The following CDH12 variants were observed in gnomAD, a reference collection of about 807,000 sequenced individuals.
CDH12 encodes cadherin 12, also known as cadherin-12.
Under a neutral mutation model 74.1 loss-of-function variants are expected in CDH12, and 41 were observed. The observed-to-expected ratio is 0.55, with a 90% CI of 0.43 to 0.72. The LOEUF is 0.72. CDH12 is among the 30% of genes least tolerant of loss of function. The pLI is 0.00. For synonymous variants in CDH12, 399 were observed against 355.0 expected, an observed-to-expected ratio of 1.12 and a Z score of -1.39; for missense variants, 945 against 977.2, an observed-to-expected ratio of 0.97 and a Z score of 0.44.
At chr5:22,140,523 T>C (rs535031344) in intron 4 of CDH12, among the ~76,000 whole-genome samples, 168 of 151,370 alleles carry the variant, frequency 1.1e-3, no homozygotes, top group African/African-American at 4.0e-3. Flanking sequence ...TCTGTGCATG[T>C]GTGTGTGTGT....
At chr5:21,994,681 T>G (rs1736164636) in intron 5 of CDH12, among the ~76,000 whole-genome samples, 1 of 152,192 alleles carries the variant, frequency 6.6e-6, no homozygotes, top group Admixed American at 6.5e-5. Context: ...TTTCTTCTAC[T>G]AGGTCAAAGT....
intron 6 of CDH12, among the ~76,000 whole-genome samples, chr5:21,925,477 C>G (rs554271266): frequency 1.2e-4 from 19 of 152,222 alleles, no homozygotes; most frequent in African/African-American, 4.6e-4. Context: ...ATCAAAATCC[C>G]TAGAATGTTT....
chr5:22,554,710 G>T (rs1738724028), intron 1 of CDH12, among the ~76,000 whole-genome samples: 1 of 151,928 alleles, frequency 6.6e-6, no homozygotes, highest in Non-Finnish European at 1.5e-5. Flanking sequence ...AATGATATCT[G>T]CTAGCATAAA....
intron 1 of CDH12, among the ~76,000 whole-genome samples, chr5:22,718,969 T>C (rs1743733004): frequency 6.6e-6 from 1 of 152,196 alleles, no homozygotes; most frequent in Admixed American, 6.5e-5. Flanking sequence ...CATAAAACTG[T>C]AATTGTAAAT....
At chr5:22,841,311 G>A (rs1283854540) in intron 1 of CDH12, among the ~76,000 whole-genome samples, 1 of 152,134 alleles carries the variant, frequency 6.6e-6, no homozygotes, top group African/African-American at 2.4e-5. Flanking sequence ...ACATAAAAGG[G>A]CTTGATTGAG....
At chr5:22,616,280 A>G (rs1399347897) in intron 1 of CDH12, among the ~76,000 whole-genome samples, 1 of 152,158 alleles carries the variant, frequency 6.6e-6, no homozygotes, top group African/African-American at 2.4e-5. Context: ...CTTTGAAGGA[A>G]GCATATATAC....
chr5:21,893,976 CA>C (rs927358890), intron 6 of CDH12, among the ~76,000 whole-genome samples: 10 of 152,126 alleles, frequency 6.6e-5, no homozygotes, highest in Middle Eastern at 3.2e-3. Context: ...AAACCATTTA[CA>C]GTATTTAACG....
At chr5:22,745,569 A>G (rs919799803) in intron 1 of CDH12, among the ~76,000 whole-genome samples, 2 of 152,212 alleles carry the variant, frequency 1.3e-5, no homozygotes, top group Non-Finnish European at 2.9e-5. Context: ...CATATACACT[A>G]TAGAATACCA....
At chr5:22,756,307 A>G (rs916673435) in intron 1 of CDH12, among the ~76,000 whole-genome samples, 2 of 152,130 alleles carry the variant, frequency 1.3e-5, no homozygotes, top group South Asian at 2.1e-4. Flanking sequence ...TATTTGTAAC[A>G]TTCAAAGATA....
At position 22,842,519 on chromosome 5, in the gene CDH12, G is replaced by A. The variant is rs116167452; in HGVS notation, c.-523+10539C>T. Among the ~76,000 whole-genome samples the A allele has an allele frequency of 4.6e-3, 706 of 152,154 alleles. 9 individuals are homozygous for A. Among genetic ancestry groups the A allele is most frequent in the African/African-American group, 0.016 (673 of 41,520 alleles). On this transcript the variant is annotated intron_variant, in intron 1 of 14. Transcript: ENST00000382254. ...TAGTCAAGGACCAGAGCTTAATAGAGTAAATAATGTGGAATGGGGTAATAA... is the reference window on the plus strand; with the variant it reads ...TAGTCAAGGACCAGAGCTTAATAGAATAAATAATGTGGAATGGGGTAATAA...
intron 6 of CDH12, among the ~76,000 whole-genome samples, chr5:21,880,484 TTCC>T (rs1561267669): frequency 2.8e-5 from 1 of 36,218 alleles, no homozygotes; most frequent in Non-Finnish European, 1.1e-4. Flanking sequence ...CCTTCCTTCC[TTCC>T]TTCCTTCCTT....
At chr5:22,212,353 C>T (rs532602822) in intron 4 of CDH12, 145 bp downstream of exon 4, 57 of 248,772 alleles carry the variant, frequency 2.3e-4, no homozygotes, top group Admixed American at 1.4e-3. Flanking sequence ...TCTCCAACGC[C>T]GTTTTCACTC....
chr5:22,715,073 A>G (rs1421418644), intron 1 of CDH12, among the ~76,000 whole-genome samples: 1 of 152,196 alleles, frequency 6.6e-6, no homozygotes, highest in Non-Finnish European at 1.5e-5. Flanking sequence ...TAACTTTGCC[A>G]TCCTGCACAT....
intron 6 of CDH12, among the ~76,000 whole-genome samples, chr5:21,900,235 G>A (rs1201866101): frequency 1.3e-5 from 2 of 152,122 alleles, no homozygotes; most frequent in African/African-American, 4.8e-5. Context: ...GAAATAATAT[G>A]TGCCTCAATT....
intron 3 of CDH12, among the ~76,000 whole-genome samples, chr5:22,224,969 C>T (rs1331147526): frequency 6.6e-6 from 1 of 151,820 alleles, no homozygotes; most frequent in Non-Finnish European, 1.5e-5. Context: ...CTGTCAAATG[C>T]AAACCCTTTC....
At chr5:22,657,477 T>C (rs979344720) in intron 1 of CDH12, among the ~76,000 whole-genome samples, 1 of 152,152 alleles carries the variant, frequency 6.6e-6, no homozygotes, top group Non-Finnish European at 1.5e-5. Flanking sequence ...CAGAAATCAT[T>C]GGTTTTTCTT....
intron 4 of CDH12, among the ~76,000 whole-genome samples, chr5:22,200,470 A>G (rs1391218256): frequency 6.6e-6 from 1 of 152,188 alleles, no homozygotes; most frequent in Non-Finnish European, 1.5e-5. Context: ...TACATAGAAA[A>G]GAGCTGATTG....
intron 3 of CDH12, among the ~76,000 whole-genome samples, chr5:22,382,160 C>T (rs921623254): frequency 2.2e-5 from 3 of 139,480 alleles, no homozygotes; most frequent in African/African-American, 7.9e-5. Context: ...ATAATATATA[C>T]TATTTTATTA....
chr5:22,213,323 C>T (rs568418093), intron 3 of CDH12, among the ~76,000 whole-genome samples: 75 of 151,824 alleles, frequency 4.9e-4, no homozygotes, highest in Admixed American at 1.4e-3. Context: ...TGAACACAGC[C>T]TTGCTTGTGT....
Sources: gnomAD v4.1 joint callset for allele counts (sites outside exome capture counted in the v4.1 genomes callset) on GRCh38, gnomAD v4.1.1 for gene constraint, MANE v1.5 for transcripts, NCBI Gene and HGNC (gene_info 2026-07-23, HGNC 2026-07-21) for gene names.